CLIP2: variants seen among roughly 807,000 people sequenced by gnomAD.
CLIP2 encodes the protein CAP-Gly domain containing linker protein 2.
In CLIP2, 41 loss-of-function variants were observed where a neutral mutation model predicts 111.7. The ratio of observed to expected loss-of-function variants is 0.37; its 90% confidence interval spans 0.29 to 0.48. The LOEUF is 0.48. CLIP2 is among the 20% of genes least tolerant of loss of function. The pLI, the probability that CLIP2 is intolerant of heterozygous loss-of-function variation, is 0.99. For missense variants in CLIP2, 1,160 were observed against 1,422.1 expected (o/e 0.82, Z 2.96); for synonymous variants, 660 against 644.2 (o/e 1.02, Z -0.37).
At chr7:74,294,605 AC>A (rs1264753865) in intron 1 of CLIP2, among the ~76,000 whole-genome samples, 1 of 151,948 alleles carries the variant, frequency 6.6e-6, no homozygotes, top group Non-Finnish European at 1.5e-5. Context: ...TTTCAGCGTC[AC>A]CCCCGTCACC....
At chr7:74,375,846 C>T (rs1790759515) in intron 9 of CLIP2, 41 bp from the exon 10 acceptor site, 2 of 1,457,104 alleles carry the variant, frequency 1.4e-6, no homozygotes, top group East Asian at 2.5e-5. Flanking sequence ...TTCCAGCCAG[C>T]CAGCCAGCCC....
intron 2 of CLIP2, among the ~76,000 whole-genome samples, chr7:74,325,683 T>C (rs1473719756): frequency 6.7e-6 from 1 of 149,550 alleles, no homozygotes; most frequent in Non-Finnish European, 1.5e-5. Flanking sequence ...AATACAAAAA[T>C]TAGCTGGGCG....
chr7:74,399,335 C>T (rs1353321534), intron 14 of CLIP2, among the ~76,000 whole-genome samples: 2 of 151,754 alleles, frequency 1.3e-5, no homozygotes, highest in Non-Finnish European at 1.5e-5. Context: ...GTCAGGAGTT[C>T]GAGACCAGCC....
Position 74,338,724 on chromosome 7 carries a change from C to A in CLIP2, c.398C>A (p.Pro133Gln). 1 of 1,592,184 alleles carries A rather than the reference C, an allele frequency of 6.3e-7. No homozygotes were observed. ...AVGGVRYFECPALQGIFTRPS... is the reference protein window; with the variant it reads ...AVGGVRYFECQALQGIFTRPS... ...GGCGGCGTGCGCTACTTCGAGTGCC[C>A]GGCCCTCCAGGGTATCTTCACGCGG... The change falls in exon 3 of 17, where the codon CCG becomes CAG. Residue 133 changes from proline to glutamine, a missense_variant. Coordinates refer to ENST00000223398, the MANE Select transcript of CLIP2 (RefSeq NM_003388.5). The surrounding 1 kb of genome is among the most constrained non-coding windows in gnomAD (Gnocchi z 4.3).
intron 8 of CLIP2, among the ~76,000 whole-genome samples, chr7:74,368,573 A>C (rs1359097104): frequency 1.3e-5 from 2 of 151,780 alleles, no homozygotes; most frequent in African/African-American, 4.8e-5. Context: ...AAAATAAAAA[A>C]CAAAAAAAGT....
chr7:74,375,684 T>C (rs1420696951), intron 9 of CLIP2, among the ~76,000 whole-genome samples: 3 of 151,906 alleles, frequency 2.0e-5, no homozygotes, highest in Non-Finnish European at 4.4e-5. Flanking sequence ...CAGGGAAGTC[T>C]TTCTGGATAC....
At chr7:74,299,372 C>T (rs1255831105) in intron 1 of CLIP2, among the ~76,000 whole-genome samples, 1 of 150,990 alleles carries the variant, frequency 6.6e-6, no homozygotes, top group Non-Finnish European at 1.5e-5. Flanking sequence ...AATAAAGGCC[C>T]TGCCTTGAAG....
At chr7:74,317,786 G>A in intron 2 of CLIP2, 119 bp downstream of exon 2, 1 of 1,221,552 alleles carries the variant, frequency 8.2e-7, no homozygotes, top group Non-Finnish European at 1.1e-6. Context: ...GACGCTGAGT[G>A]TCATGAGCTC....
intron 10 of CLIP2, among the ~76,000 whole-genome samples, chr7:74,377,972 T>C (rs1790839429): frequency 6.6e-6 from 1 of 151,976 alleles, no homozygotes; most frequent in African/African-American, 2.4e-5. Flanking sequence ...ATTACAGGCA[T>C]GCACCACCAC....
rs1584297284 is a variant in CLIP2 at position 74,293,167 on chromosome 7, G to T, written c.-68+3433G>T. On this transcript the variant is annotated intron_variant, in intron 1 of 16. Transcript: ENST00000223398. ...GATCCCATACCTTTGGGATTATTTT[G>T]TTGCAAGGAACAGGAACCTGCTTCA... 2.0e-5 allele frequency among the ~76,000 whole-genome samples: 3 copies of T among 152,280 alleles called. No homozygotes were observed. The East Asian group carries it at 5.8e-4, about 29-fold the overall frequency.
intron 2 of CLIP2, among the ~76,000 whole-genome samples, chr7:74,327,227 C>T (rs1789138533): frequency 2.0e-5 from 3 of 152,076 alleles, no homozygotes; most frequent in Admixed American, 1.3e-4. Flanking sequence ...CTCAGCCTCC[C>T]AAGTAGCTGG....
chr7:74,344,307 C>G (rs1789742980), intron 3 of CLIP2, among the ~76,000 whole-genome samples: 1 of 152,144 alleles, frequency 6.6e-6, no homozygotes, highest in African/African-American at 2.4e-5. Context: ...CTTAGCTTCT[C>G]AATCTTTAAG....
At chr7:74,291,979 C>T (rs1424475678) in intron 1 of CLIP2, among the ~76,000 whole-genome samples, 2 of 146,702 alleles carry the variant, frequency 1.4e-5, no homozygotes, top group East Asian at 4.0e-4. Context: ...GACTTGAGTG[C>T]AATGGCGCGA....
Position 74,400,545 on chromosome 7 carries a change from A to T in CLIP2, c.3056A>T (p.Asp1019Val). The change falls in exon 15 of 17, where the codon GAC (aspartate) becomes GTC (valine). Residue 1019 changes from aspartate (D) to valine (V), a missense_variant. Physicochemically the swap from Asp to Val is radical, Grantham distance 152. Transcript: ENST00000223398. ...KLMEAMRSCP[D>V]KAQTIGNSGS... ...ATGGAGGCCATGAGGAGCTGCCCTG[A>T]CAAGGCCCAGGTGAGCCGCGGCTGA... 8.9e-6 allele frequency: 14 copies of T among 1,581,418 alleles called. No homozygotes were observed. The highest frequency in any genetic ancestry group is 1.8e-5 in the Admixed American group (1 of 54,194).
rs531158035 is a variant in CLIP2, at chr7:74,359,629, A to G, written c.1216-546A>G. On this transcript the variant is annotated intron_variant, in intron 6 of 16. Transcript: ENST00000223398. ...CTTGGCCTCCCAAAGTGCTGAGATTACAGGCAGGAGCCACTGCACCCGGCC... is the reference window on the plus strand; with the variant it reads ...CTTGGCCTCCCAAAGTGCTGAGATTGCAGGCAGGAGCCACTGCACCCGGCC... Among the ~76,000 whole-genome samples, 3 of 152,324 alleles carry G rather than the reference A, an allele frequency of 2.0e-5. No individual in the cohort carries two copies. In the East Asian group the frequency reaches 5.8e-4, roughly 29 times the overall value.
rs797029227 is a variant in CLIP2 at position 74,323,427 on chromosome 7, C to CT, written c.121+5771dup. Among the ~76,000 whole-genome samples the CT allele has an allele frequency of 1.3e-3, 185 of 141,026 alleles. 1 individual carries two copies. The highest frequency in any genetic ancestry group is 1.3e-3 in the Non-Finnish European group (86 of 63,918). 92.5% of individuals were successfully genotyped at this position (141,026 alleles called of 152,430 possible). A position where few individuals can be genotyped will look rare whatever the true frequency, so the allele number is the denominator to read the frequency against. ...ATATCTTTTTTTTTCCTTTTCTTTT[C>CT]TTTTTTTTTTTCTTTTTTGAGATAG... On this transcript the variant is annotated intron_variant, in intron 2 of 16. Transcript: ENST00000223398.
chr7:74,292,655 T>G (rs1331470985), intron 1 of CLIP2, among the ~76,000 whole-genome samples: 2 of 152,172 alleles, frequency 1.3e-5, no homozygotes, highest in Non-Finnish European at 2.9e-5. Context: ...CCCAAATTGC[T>G]GGGATTACAG....
At chr7:74,294,395 G>A (rs986608595) in intron 1 of CLIP2, among the ~76,000 whole-genome samples, 7 of 152,280 alleles carry the variant, frequency 4.6e-5, no homozygotes, top group Middle Eastern at 3.4e-3. Flanking sequence ...TTTTATTAAC[G>A]AGGCCTGAAT....
intron 1 of CLIP2, among the ~76,000 whole-genome samples, chr7:74,303,109 C>CT (rs1319730578): frequency 6.6e-6 from 1 of 152,156 alleles, no homozygotes; most frequent in Non-Finnish European, 1.5e-5. Flanking sequence ...GTATAAGGCT[C>CT]AGAGCTTCAG....
Sources: allele counts gnomAD v4.1 joint callset (sites outside exome capture counted in the v4.1 genomes callset), GRCh38; gene constraint gnomAD v4.1.1; non-coding constraint Gnocchi (gnomAD v3.1); transcripts MANE v1.5; gene names NCBI Gene and HGNC (gene_info 2026-07-23, HGNC 2026-07-21).